Variants in ZNF138 observed in about 807,000 individuals in gnomAD.
The protein encoded by ZNF138 is zinc finger protein 138.
A neutral mutation model predicts 33.0 loss-of-function variants in ZNF138; 33 were observed. The observed-to-expected ratio is 1.00, with a 90% CI of 0.76 to 1.34. The LOEUF is 1.34. Ranked by LOEUF, ZNF138 falls within the 40% of genes most tolerant of loss-of-function variation. The pLI is 0.00. For missense variants in ZNF138, 360 were observed against 370.8 expected, an observed-to-expected ratio of 0.97 and a Z score of 0.24; for synonymous variants, 139 against 120.4, an observed-to-expected ratio of 1.15 and a Z score of -1.01.
the ZNF138 span, among the ~76,000 whole-genome samples, chr7:64,844,461 G>A: frequency 2.6e-5 from 4 of 152,252 alleles, no homozygotes; most frequent in East Asian, 7.7e-4. Context: ...TGGGGTTGGA[G>A]GGTCTGATTT....
chr7:64,860,734 A>G, the ZNF138 span, among the ~76,000 whole-genome samples: 2 of 152,194 alleles, frequency 1.3e-5, no homozygotes, highest in Non-Finnish European at 1.5e-5. Context: ...GTATTTTCTG[A>G]GCATTGTAAG....
At chr7:64,800,997 T>TA (rs1787098101) in intron 1 of ZNF138, among the ~76,000 whole-genome samples, 1 of 152,174 alleles carries the variant, frequency 6.6e-6, no homozygotes, top group Non-Finnish European at 1.5e-5. Flanking sequence ...CTTCAATAGT[T>TA]ATTTGTATTT....
At chr7:64,825,640 A>T (rs1339838106) in intron 3 of ZNF138, among the ~76,000 whole-genome samples, 1 of 150,754 alleles carries the variant, frequency 6.6e-6, no homozygotes, top group Admixed American at 6.6e-5. Flanking sequence ...CCCGGGTTCA[A>T]GCGATTCCCC....
intron 3 of ZNF138, among the ~76,000 whole-genome samples, chr7:64,818,088 G>GTTCAAATGA (rs112458909): frequency 6.6e-6 from 1 of 150,516 alleles, no homozygotes; most frequent in African/African-American, 2.4e-5. Flanking sequence ...TGTCTCCCAG[G>GTTCAAATGA]TTCTCCTTCC....
chr7:64,812,697 G>C (rs6961445), intron 1 of ZNF138, among the ~76,000 whole-genome samples: 44,443 of 152,022 alleles, frequency 0.29, 7,385 homozygotes, highest in Middle Eastern at 0.36. Flanking sequence ...GTAGGTCTTG[G>C]TTCTTTGGCC....
chr7:64,806,137 C>T (rs1354516332), intron 1 of ZNF138, among the ~76,000 whole-genome samples: 1 of 152,198 alleles, frequency 6.6e-6, no homozygotes. Flanking sequence ...TATAAACATA[C>T]AGGGTGCCAA....
rs765939623 is a variant in ZNF138, at chr7:64,831,484, T to G, written c.242T>G (p.Leu81Arg). The G allele has an allele frequency of 1.9e-6, 3 of 1,588,372 alleles. No individual in the cohort carries two copies. The Admixed American group carries it at 5.5e-5, about 29-fold the overall frequency. The change falls in exon 4 of 4, where the codon CTA becomes CGA. Residue 81 changes from leucine (L) to arginine (R), a missense_variant. By Grantham distance (102) the Leu-to-Arg change is moderately radical (BLOSUM62 -2). Coordinates refer to ENST00000307355, the MANE Select transcript of ZNF138 (RefSeq NM_001271639.2). ...LCSRFAQDLW[L>R]EQNIKDSFQK... is the part of the protein sequence containing the mutation. ...TCTCGTTTTGCCCAAGACCTTTGGC[T>G]AGAGCAGAACATAAAAGATTCTTTC...
At chr7:64,860,071 A>G in the ZNF138 span, among the ~76,000 whole-genome samples, 1 of 152,214 alleles carries the variant, frequency 6.6e-6, no homozygotes, top group Non-Finnish European at 1.5e-5. Context: ...CGGGAGGCGG[A>G]GGTTGCAGTG....
chr7:64,808,298 AAAAC>A (rs1343436745), intron 1 of ZNF138, among the ~76,000 whole-genome samples: 1 of 152,178 alleles, frequency 6.6e-6, no homozygotes, highest in Non-Finnish European at 1.5e-5. Context: ...ACTTGGATGA[AAAAC>A]AAGGAGGTGG....
At chr7:64,798,899 C>CTAT (rs1457445600) in intron 1 of ZNF138, among the ~76,000 whole-genome samples, 1 of 138,838 alleles carries the variant, frequency 7.2e-6, no homozygotes, top group Non-Finnish European at 1.5e-5. Flanking sequence ...TTGCATTGTT[C>CTAT]TATGAGCCTT....
chr7:64,827,645 TTTTTTA>T (rs1789750908), intron 3 of ZNF138, among the ~76,000 whole-genome samples: 1 of 152,196 alleles, frequency 6.6e-6, no homozygotes, highest in Admixed American at 6.5e-5. Flanking sequence ...TAGTTAGATT[TTTTTTA>T]TTACATCAAA....
At chr7:64,851,694 AAG>A in the ZNF138 span, among the ~76,000 whole-genome samples, 2 of 152,102 alleles carry the variant, frequency 1.3e-5, no homozygotes, top group African/African-American at 4.8e-5. Flanking sequence ...ACATTGCAAA[AAG>A]TATCCTTTTT....
At chr7:64,852,756 G>T in the ZNF138 span, 23 of 916,700 alleles carry the variant, frequency 2.5e-5, no homozygotes, top group Non-Finnish European at 4.0e-5. Flanking sequence ...GTCCCCAGGG[G>T]TTTTGTCAAC....
At chr7:64,819,359 ATTT>A (rs56762783) in intron 3 of ZNF138, among the ~76,000 whole-genome samples, 124,771 of 142,478 alleles carry the variant, frequency 0.88, 56,501 homozygotes, top group South Asian at 0.99. Flanking sequence ...TTTCAGGGTA[ATTT>A]TTTTTTTTTT....
At chr7:64,808,156 A>C (rs1222756836) in intron 1 of ZNF138, among the ~76,000 whole-genome samples, 1 of 152,184 alleles carries the variant, frequency 6.6e-6, no homozygotes, top group Non-Finnish European at 1.5e-5. Flanking sequence ...GAACTGTGTC[A>C]GGCTGACAAG....
intron 1 of ZNF138, among the ~76,000 whole-genome samples, chr7:64,809,826 C>T (rs1488377837): frequency 2.4e-5 from 3 of 123,700 alleles, no homozygotes; most frequent in Admixed American, 7.9e-5. Flanking sequence ...GACGGGGCGG[C>T]GGGGCAGAGG....
At chr7:64,854,729 A>G in the ZNF138 span, among the ~76,000 whole-genome samples, 79 of 152,222 alleles carry the variant, frequency 5.2e-4, no homozygotes, top group Non-Finnish European at 9.4e-4. Context: ...AGAAGCAAAG[A>G]GAAGATTTAG....
the ZNF138 span, among the ~76,000 whole-genome samples, chr7:64,846,795 T>C: frequency 6.4e-4 from 98 of 152,334 alleles, no homozygotes; most frequent in Admixed American, 4.2e-3. Context: ...TTCAGTACTA[T>C]GTTGAATGAA....
chr7:64,798,923 T>TA (rs1219424747), intron 1 of ZNF138, among the ~76,000 whole-genome samples: 4 of 149,250 alleles, frequency 2.7e-5, no homozygotes, highest in Admixed American at 1.3e-4. Context: ...TTTTTTTTTT[T>TA]AATCACTACC....
Sources: allele counts gnomAD v4.1 joint callset (sites outside exome capture counted in the v4.1 genomes callset), GRCh38; gene constraint gnomAD v4.1.1; transcripts MANE v1.5; gene names NCBI Gene and HGNC (gene_info 2026-07-23, HGNC 2026-07-21).